Variants in NRXN3 observed in about 807,000 individuals in gnomAD.
NRXN3 encodes the protein neurexin 3.
In NRXN3, 32 loss-of-function variants were observed where a neutral mutation model predicts 137.6. The observed-to-expected ratio is 0.23, with a 90% CI of 0.18 to 0.31. The LOEUF (loss-of-function observed/expected upper bound fraction) is 0.31, where lower values mean the gene tolerates loss of function less well. NRXN3 is among the 10% of genes least tolerant of loss of function. NRXN3 has a pLI of 1.00. For missense variants in NRXN3, 1,574 were observed against 2,062.5 expected (o/e 0.76, Z 4.59); for synonymous variants, 798 against 784.5 (o/e 1.02, Z -0.29).
intron 2 of NRXN3, among the ~76,000 whole-genome samples, chr14:78,270,955 A>T (rs1272397333): frequency 1.3e-5 from 2 of 152,188 alleles, no homozygotes; most frequent in Admixed American, 1.3e-4. Flanking sequence ...GGAACACTCA[A>T]AGTGCACACA....
intron 5 of NRXN3, chr14:78,649,399 A>G (rs1487279096): frequency 3.1e-6 from 1 of 324,056 alleles, no homozygotes; most frequent in Non-Finnish European, 5.0e-6. Flanking sequence ...TATCCTCTTT[A>G]GACTCATTTC....
chr14:79,646,205 A>G (rs1305397407), intron 16 of NRXN3, among the ~76,000 whole-genome samples: 1 of 135,276 alleles, frequency 7.4e-6, no homozygotes, highest in Admixed American at 7.9e-5. Context: ...GGCCATTGCA[A>G]TAAATATGGT....
chr14:79,553,137 C>G (rs982349685), intron 16 of NRXN3, among the ~76,000 whole-genome samples: 1 of 152,062 alleles, frequency 6.6e-6, no homozygotes, highest in Admixed American at 6.6e-5. Context: ...TCAAAGCAAT[C>G]AGTATGCCAA....
intron 15 of NRXN3, among the ~76,000 whole-genome samples, chr14:79,389,968 A>G (rs1263238429): frequency 6.6e-6 from 1 of 152,236 alleles, no homozygotes; most frequent in African/African-American, 2.4e-5. Context: ...TAATCAGTCC[A>G]TAATATTGAA....
chr14:79,844,847 G>A (rs2099363771), intron 20 of NRXN3, among the ~76,000 whole-genome samples: 1 of 152,140 alleles, frequency 6.6e-6, no homozygotes, highest in Non-Finnish European at 1.5e-5. Context: ...TTGAAGCCAA[G>A]CACTGACTCC....
In NRXN3 at chr14:79,427,830, CAA is replaced by C. The variant is rs72009535; in HGVS notation, c.3263-39375_3263-39374del. Among the ~76,000 whole-genome samples, 869 of 119,348 alleles carry C rather than the reference CAA, an allele frequency of 7.3e-3. 7 individuals carry two copies. The highest frequency in any genetic ancestry group is 0.06 in the East Asian group (231 of 3,872). 78.3% of individuals were successfully genotyped at this position (119,348 alleles called of 152,430 possible). The stretch of plus-strand genomic sequence containing the variant: ...CTGGCGACAGAGCGAGACTCCATCT[CAA>C]AAAAAAAAAAAAAAATTAAAAACTT... On this transcript the variant is annotated intron_variant, in intron 15 of 20. Transcript: ENST00000335750.
At chr14:79,064,859 GTAAT>G (rs2099678878) in intron 15 of NRXN3, among the ~76,000 whole-genome samples, 1 of 149,868 alleles carries the variant, frequency 6.7e-6, no homozygotes, top group East Asian at 2.0e-4. Context: ...ACCTTTAGGT[GTAAT>G]TAGAGTACAT....
intron 16 of NRXN3, among the ~76,000 whole-genome samples, chr14:79,598,990 CT>C (rs1369067014): frequency 2.0e-5 from 3 of 152,176 alleles, no homozygotes; most frequent in Admixed American, 2.0e-4. Flanking sequence ...TGTCTGTCTT[CT>C]TCTACATTGC....
chr14:78,743,164 C>T (rs1443358748), intron 8 of NRXN3, among the ~76,000 whole-genome samples: 5 of 152,162 alleles, frequency 3.3e-5, no homozygotes, highest in Non-Finnish European at 5.9e-5. Flanking sequence ...TCACCTATCA[C>T]AAATGATTAT....
At chr14:78,969,855 GTA>G (rs1403119009) in intron 14 of NRXN3, among the ~76,000 whole-genome samples, 181 of 145,066 alleles carry the variant, frequency 1.2e-3, no homozygotes, top group African/African-American at 4.4e-3. Context: ...GTGTGTGTGT[GTA>G]TAAAGGGACA....
intron 16 of NRXN3, among the ~76,000 whole-genome samples, chr14:79,483,959 A>G (rs968698289): frequency 2.0e-5 from 3 of 152,172 alleles, no homozygotes; most frequent in African/African-American, 7.2e-5. Flanking sequence ...ACCCTAAGTC[A>G]CTGTGGGTGT....
chr14:79,452,309 C>A (rs1165813066), intron 15 of NRXN3, among the ~76,000 whole-genome samples: 1 of 152,064 alleles, frequency 6.6e-6, no homozygotes, highest in Non-Finnish European at 1.5e-5. Context: ...TTGTATTTTT[C>A]CATAAAATTG....
intron 16 of NRXN3, among the ~76,000 whole-genome samples, chr14:79,593,071 T>C (rs1232023528): frequency 6.6e-6 from 1 of 152,204 alleles, no homozygotes; most frequent in Non-Finnish European, 1.5e-5. Context: ...TACAAACTCA[T>C]GTTTATGCAA....
At chr14:78,321,592 A>G (rs1271448233) in intron 4 of NRXN3, among the ~76,000 whole-genome samples, 2 of 152,028 alleles carry the variant, frequency 1.3e-5, no homozygotes, top group Admixed American at 6.5e-5. Context: ...TTGCTAAAAC[A>G]TTTCTGAGAC....
chr14:78,794,930 AAACAAAC>A (rs771387716), intron 8 of NRXN3, among the ~76,000 whole-genome samples: 13,398 of 36,520 alleles, frequency 0.37, 839 homozygotes, highest in South Asian at 0.52. Context: ...ACAAACAAAC[AAACAAAC>A]AAAAAAAAAA....
At chr14:79,819,486 T>TTTTTTTTC (rs2099263986) in intron 20 of NRXN3, among the ~76,000 whole-genome samples, 1 of 132,562 alleles carries the variant, frequency 7.5e-6, no homozygotes, top group Admixed American at 7.5e-5. Context: ...TAAAAGCTTT[T>TTTTTTTTC]TTTTTTTTTT....
chr14:79,837,096 G>A (rs1453151342), intron 20 of NRXN3, among the ~76,000 whole-genome samples: 2 of 152,116 alleles, frequency 1.3e-5, no homozygotes, highest in African/African-American at 4.8e-5. Context: ...TAGGGGTGTT[G>A]TAAAGTATGT....
intron 10 of NRXN3, among the ~76,000 whole-genome samples, chr14:78,878,153 G>A (rs943293923): frequency 2.0e-5 from 3 of 152,090 alleles, no homozygotes; most frequent in Non-Finnish European, 4.4e-5. Flanking sequence ...GGTGAAATTT[G>A]CTTTGAATTA....
At chr14:79,110,761 AT>A (rs1183216226) in intron 15 of NRXN3, among the ~76,000 whole-genome samples, 4 of 92,120 alleles carry the variant, frequency 4.3e-5, no homozygotes, top group African/African-American at 1.8e-4. Context: ...AGAAATTATT[AT>A]TTTATTTATT....
Sources: allele counts gnomAD v4.1 joint callset (sites outside exome capture counted in the v4.1 genomes callset), GRCh38; gene constraint gnomAD v4.1.1; transcripts MANE v1.5; gene names NCBI Gene and HGNC (gene_info 2026-07-23, HGNC 2026-07-21).